ZPBP: variants seen among roughly 807,000 people sequenced by gnomAD.
The protein encoded by ZPBP is zona pellucida binding protein, also known as zona pellucida-binding protein 1.
In ZPBP, 26 loss-of-function variants were observed where a neutral mutation model predicts 44.8. That is an observed-to-expected ratio of 0.58 (90% CI 0.43 to 0.81). ZPBP has a LOEUF of 0.81. ZPBP is among the 30% of genes least tolerant of loss of function. The probability of loss-of-function intolerance (pLI) is 0.00; values close to 1 mark genes in which losing one functional copy is unlikely to be tolerated. For synonymous variants in ZPBP, 174 were observed against 153.2 expected, an observed-to-expected ratio of 1.14 and a Z score of -1.00; for missense variants, 409 against 434.0, an observed-to-expected ratio of 0.94 and a Z score of 0.51.
chr7:49,968,744 T>C (rs1434058772), intron 7 of ZPBP, among the ~76,000 whole-genome samples: 2 of 152,012 alleles, frequency 1.3e-5, no homozygotes, highest in African/African-American at 4.8e-5. Context: ...ATTACACTCA[T>C]AATATCACAG....
chr7:50,032,133 T>G (rs1231947736), intron 4 of ZPBP, among the ~76,000 whole-genome samples: 1 of 152,168 alleles, frequency 6.6e-6, no homozygotes, highest in Non-Finnish European at 1.5e-5. Context: ...CATCTTTGTA[T>G]TTGGAGTAGA....
At chr7:49,846,806 T>G (rs930359933), downstream of ZPBP, among the ~76,000 whole-genome samples, 2 of 152,224 alleles carry the variant, frequency 1.3e-5, no homozygotes, top group Non-Finnish European at 2.9e-5. Context: ...TATACATATG[T>G]AAATTTCCCC....
At chr7:50,078,410 T>C (rs889769399) in intron 3 of ZPBP, among the ~76,000 whole-genome samples, 3 of 151,676 alleles carry the variant, frequency 2.0e-5, no homozygotes, top group African/African-American at 4.8e-5. Flanking sequence ...GGAATATTTA[T>C]AACCTAAGGA....
At chr7:50,021,063 CA>C (rs1799070871) in intron 5 of ZPBP, among the ~76,000 whole-genome samples, 1 of 151,736 alleles carries the variant, frequency 6.6e-6, no homozygotes, top group Admixed American at 6.6e-5. Context: ...GATCTGATTT[CA>C]AAAGTATCCA....
At chr7:49,990,993 G>A (rs1226637257) in intron 6 of ZPBP, among the ~76,000 whole-genome samples, 2 of 152,142 alleles carry the variant, frequency 1.3e-5, no homozygotes, top group African/African-American at 2.4e-5. Flanking sequence ...TCCACTAGGG[G>A]AGAACTAGTA....
intron 7 of ZPBP, among the ~76,000 whole-genome samples, chr7:49,980,642 C>T (rs1796812081): frequency 6.6e-6 from 1 of 151,876 alleles, no homozygotes; most frequent in Non-Finnish European, 1.5e-5. Context: ...AGGTGCCAGC[C>T]TCTTTTGTAT....
intron 4 of ZPBP, among the ~76,000 whole-genome samples, chr7:50,033,569 T>G (rs1799694644): frequency 6.6e-6 from 1 of 152,204 alleles, no homozygotes; most frequent in African/African-American, 2.4e-5. Flanking sequence ...AGTCCATAGC[T>G]TGACTTCCTA....
At chr7:50,059,227 T>G (rs1801126057) in intron 3 of ZPBP, among the ~76,000 whole-genome samples, 2 of 152,338 alleles carry the variant, frequency 1.3e-5, no homozygotes, top group South Asian at 4.1e-4. Context: ...TTTAAGTTGA[T>G]ATATTTTTCC....
intron 7 of ZPBP, among the ~76,000 whole-genome samples, chr7:49,969,803 GTATATA>G (rs754621506): frequency 9.8e-5 from 13 of 133,252 alleles, no homozygotes; most frequent in South Asian, 7.2e-4. Context: ...GTTAATAAAT[GTATATA>G]TATATATATA....
chr7:50,058,615 A>G (rs1198932351), intron 3 of ZPBP, among the ~76,000 whole-genome samples: 1 of 152,120 alleles, frequency 6.6e-6, no homozygotes, highest in African/African-American at 2.4e-5. Context: ...ATCACTAACA[A>G]GAGATTTCTT....
intron 2 of ZPBP, among the ~76,000 whole-genome samples, chr7:49,897,461 T>C (rs547908056): frequency 1.3e-5 from 2 of 152,332 alleles, no homozygotes; most frequent in South Asian, 4.1e-4. Flanking sequence ...GGGAGTTTAT[T>C]CCAGATATGC....
At chr7:50,090,043 G>T (rs1204264437) in intron 1 of ZPBP, among the ~76,000 whole-genome samples, 1 of 152,004 alleles carries the variant, frequency 6.6e-6, no homozygotes, top group African/African-American at 2.4e-5. Context: ...CTTCTTATCT[G>T]CCACAGTACA....
At position 49,871,567 on chromosome 7, in the gene ZPBP, A is replaced by G. The variant is rs149497025; in HGVS notation, n.510-21053T>C. On this transcript the variant is annotated intron_variant and non_coding_transcript_variant, in intron 2 of 2. Transcript: ENST00000465922. The stretch of plus-strand genomic sequence containing the variant: ...AAAACGAATGACAGAAAAATTGATT[A>G]GTATCTCATTTTTCCTACAAGAAGC... Among the ~76,000 whole-genome samples, 430 of 152,266 alleles carry G rather than the reference A, an allele frequency of 2.8e-3. 3 individuals carry two copies. Among genetic ancestry groups the G allele is most frequent in the Middle Eastern group, 0.01 (3 of 294 alleles).
At chr7:50,054,096 G>T (rs1384940884) in intron 4 of ZPBP, among the ~76,000 whole-genome samples, 1 of 151,964 alleles carries the variant, frequency 6.6e-6, no homozygotes, top group Non-Finnish European at 1.5e-5. Context: ...TTTCCATGTT[G>T]CCCAGGCTGG....
intron 3 of ZPBP, among the ~76,000 whole-genome samples, chr7:50,075,271 C>T (rs1171250330): frequency 6.6e-6 from 1 of 151,582 alleles, no homozygotes; most frequent in African/African-American, 2.4e-5. Context: ...ACAGCAAAAT[C>T]AGTACTAAGA....
chr7:49,960,649 T>C (rs978727559), intron 7 of ZPBP, among the ~76,000 whole-genome samples: 4 of 152,100 alleles, frequency 2.6e-5, no homozygotes, highest in African/African-American at 9.7e-5. Flanking sequence ...TACAAGTCAA[T>C]AATTATAAGA....
chr7:49,849,394 C>T (rs538180281), downstream of ZPBP, among the ~76,000 whole-genome samples: 4 of 152,316 alleles, frequency 2.6e-5, no homozygotes, highest in Admixed American at 2.6e-4. Flanking sequence ...GTGTGTCCTG[C>T]CACTGCTCCT....
At chr7:49,945,623 T>G (rs1583889664) in intron 7 of ZPBP, among the ~76,000 whole-genome samples, 1 of 152,130 alleles carries the variant, frequency 6.6e-6, no homozygotes, top group East Asian at 1.9e-4. Flanking sequence ...CTTTTTGTCT[T>G]GAAATCTATT....
intron 2 of ZPBP, among the ~76,000 whole-genome samples, chr7:49,859,912 T>C (rs530645174): frequency 7.0e-4 from 106 of 152,122 alleles, no homozygotes; most frequent in Non-Finnish European, 9.1e-4. Context: ...GGAGTTTTTC[T>C]ATCTAGATAT....
Sources: allele counts gnomAD v4.1 joint callset (sites outside exome capture counted in the v4.1 genomes callset), GRCh38; gene constraint gnomAD v4.1.1; transcripts MANE v1.5; gene names NCBI Gene and HGNC (gene_info 2026-07-23, HGNC 2026-07-21).